The following TMEM255B variants were observed in gnomAD, a reference collection of about 807,000 sequenced individuals.
TMEM255B encodes the protein family with sequence similarity 70, member B.
A neutral mutation model predicts 34.5 loss-of-function variants in TMEM255B; 35 were observed. The observed-to-expected ratio is 1.01, with a 90% CI of 0.77 to 1.34. TMEM255B has a LOEUF of 1.34. Ranked by LOEUF, TMEM255B falls within the 40% of genes most tolerant of loss-of-function variation. The pLI is 0.00. For missense variants in TMEM255B, 432 were observed against 433.2 expected (o/e 1.00, Z 0.02); for synonymous variants, 206 against 201.2 (o/e 1.02, Z -0.20).
rs1280394208 is a variant in TMEM255B at position 113,800,757 on chromosome 13, C to T, written c.424-70C>T. 5 of 1,461,152 alleles carry T rather than the reference C, an allele frequency of 3.4e-6. No homozygotes were observed. The Admixed American group carries it at 9.8e-5, about 29-fold the overall frequency. The allele number at this position is 1,461,152 out of a possible 1,614,324, so 90.5% of individuals were successfully genotyped here. The stretch of plus-strand genomic sequence containing the variant: ...GCCGCTCCCAGCTCCCATGAGGCAG[C>T]CCTGCCCTTGGTGGGGTGGGTGAGG... On this transcript the variant is annotated intron_variant, in intron 5 of 8. Transcript: ENST00000375353.
At chr13:113,781,085 A>G (rs2050659784) in intron 3 of TMEM255B, among the ~76,000 whole-genome samples, 1 of 152,210 alleles carries the variant, frequency 6.6e-6, no homozygotes, top group Non-Finnish European at 1.5e-5. Context: ...TGTACTATTA[A>G]TGTTAAACCC....
At chr13:113,779,623 CTGTT>C (rs549888575) in intron 3 of TMEM255B, among the ~76,000 whole-genome samples, 14 of 151,716 alleles carry the variant, frequency 9.2e-5, no homozygotes, top group African/African-American at 3.1e-4. Flanking sequence ...GAAGCGCTCT[CTGTT>C]TGGGGGCGTA....
intron 3 of TMEM255B, among the ~76,000 whole-genome samples, chr13:113,781,598 G>A (rs1211309621): frequency 1.3e-5 from 2 of 152,170 alleles, no homozygotes; most frequent in Non-Finnish European, 1.5e-5. Context: ...TGAAGCCTGG[G>A]ACTTAGACAG....
rs2050601307 is a variant in TMEM255B at position 113,777,656 on chromosome 13, G to A, written c.252+8496G>A. Among the ~76,000 whole-genome samples the A allele has an allele frequency of 3.3e-5, 5 of 152,380 alleles. No individual in the cohort carries two copies. In the South Asian group the frequency reaches 1.0e-3, roughly 32 times the overall value. Reference sequence around the variant, plus strand: ...CCGGGTCCACCAGGCTTTGCTCAAAGGAGGATGGTCTTGGGAAGGGAATCC... The same window carrying A: ...CCGGGTCCACCAGGCTTTGCTCAAAAGAGGATGGTCTTGGGAAGGGAATCC... On this transcript the variant is annotated intron_variant, in intron 3 of 8. Transcript: ENST00000375353.
chr13:113,777,571 A>G (rs1220726834), intron 3 of TMEM255B, among the ~76,000 whole-genome samples: 1 of 152,230 alleles, frequency 6.6e-6, no homozygotes, highest in African/African-American at 2.4e-5. Context: ...GACTCAGCCC[A>G]GAAGGCAGGG....
intron 3 of TMEM255B, among the ~76,000 whole-genome samples, chr13:113,793,589 G>A (rs9577897): frequency 0.41 from 62,402 of 151,682 alleles, 14,069 homozygotes; most frequent in East Asian, 0.72. Flanking sequence ...TCTCCGGCCC[G>A]CTGCCCCAGC....
intron 1 of TMEM255B, among the ~76,000 whole-genome samples, chr13:113,764,926 C>A (rs148717728): frequency 5.9e-5 from 9 of 152,174 alleles, no homozygotes; most frequent in African/African-American, 2.2e-4. Flanking sequence ...CCACTGCCTG[C>A]GGCCTGGAGT....
intron 1 of TMEM255B, among the ~76,000 whole-genome samples, chr13:113,761,565 T>C (rs369793813): frequency 3.6e-4 from 55 of 152,284 alleles, no homozygotes; most frequent in African/African-American, 1.3e-3. Context: ...TGTTGGCCCC[T>C]TCAGCTTCAC....
intron 2 of TMEM255B, chr13:113,768,089 A>T (rs1441142974): frequency 2.3e-6 from 1 of 428,870 alleles, no homozygotes; most frequent in Non-Finnish European, 5.0e-6. Flanking sequence ...CCAGTGCATT[A>T]AACTTGACAC....
intron 2 of TMEM255B, chr13:113,766,530 C>T: frequency 1.9e-6 from 1 of 529,448 alleles, no homozygotes. Context: ...CTGGGTTGGC[C>T]CGATGTGGTC....
At chr13:113,782,677 G>T (rs562456162) in intron 3 of TMEM255B, among the ~76,000 whole-genome samples, 31 of 150,228 alleles carry the variant, frequency 2.1e-4, no homozygotes, top group African/African-American at 5.0e-4. Context: ...ATGGTCGGAG[G>T]GGGGGGCTTC....
chr13:113,812,167 CTCTGAGAGCAAT>C lies in TMEM255B; in HGVS notation c.*266_*277del, dbSNP rs369733280. ...CTGAAAGTTCCCACCCGGCCTCCTC[CTCTGAGAGCAAT>C]TGTTCTGGTGTTTTCACATCCCTTA... On this transcript the variant is annotated 3_prime_UTR_variant, in exon 9 of 9. Coordinates refer to ENST00000375353, the MANE Select transcript of TMEM255B (RefSeq NM_182614.4). The C allele has an allele frequency of 6.9e-4, 362 of 520,912 alleles. 1 individual carries two copies. Among genetic ancestry groups the C allele is most frequent in the African/African-American group, 6.7e-3 (340 of 50,414 alleles). The allele number at this position is 520,912 out of a possible 1,614,324, so 32.3% of individuals were successfully genotyped here.
intron 1 of TMEM255B, 129 bp downstream of exon 1, chr13:113,759,444 C>A: frequency 1.2e-6 from 1 of 831,854 alleles, no homozygotes; most frequent in Non-Finnish European, 1.6e-6. Flanking sequence ...TCTGGTCCCT[C>A]CGCCTCCTTC....
chr13:113,791,007 T>A (rs2050824763), intron 3 of TMEM255B, among the ~76,000 whole-genome samples: 1 of 152,234 alleles, frequency 6.6e-6, no homozygotes, highest in African/African-American at 2.4e-5. Context: ...TGACCAAGTT[T>A]GAATGTGTTT....
intron 1 of TMEM255B, among the ~76,000 whole-genome samples, chr13:113,764,807 A>T (rs998419891): frequency 3.3e-5 from 5 of 152,150 alleles, no homozygotes; most frequent in African/African-American, 1.2e-4. Flanking sequence ...GCCTTCAGGG[A>T]GTGCTGCGAG....
At position 113,815,125 on chromosome 13, in the gene TMEM255B, G is replaced by A. The variant is rs922953184; in HGVS notation, c.*3222G>A. On this transcript the variant is annotated 3_prime_UTR_variant, in exon 9 of 9. Transcript: ENST00000375353. ...CTTGGGTTACAGGGAGTCTCCTCCT[G>A]CCTCAGTTTCTACATTTCACACAGC... 2 of 152,204 alleles carry A rather than the reference G, an allele frequency of 1.3e-5. No homozygotes were observed. The highest frequency in any genetic ancestry group is 1.3e-4 in the Admixed American group (2 of 15,264). The allele number at this position is 152,204 out of a possible 1,614,324, so 9.4% of individuals were successfully genotyped here.
chr13:113,763,435 C>T (rs1053116674), intron 1 of TMEM255B, among the ~76,000 whole-genome samples: 17 of 152,156 alleles, frequency 1.1e-4, no homozygotes, highest in Non-Finnish European at 2.1e-4. Context: ...CGTTTCTCAC[C>T]TCGACTTCCC....
intron 5 of TMEM255B, chr13:113,799,646 C>T: frequency 1.6e-6 from 1 of 636,010 alleles, no homozygotes; most frequent in African/African-American, 1.8e-5. Flanking sequence ...TTCATTAAAT[C>T]ACAACAGTCT....
intron 4 of TMEM255B, among the ~76,000 whole-genome samples, chr13:113,796,508 G>A (rs61966706): frequency 0.49 from 70,088 of 144,322 alleles, 17,472 homozygotes; most frequent in East Asian, 0.84. Context: ...ACACCACACA[G>A]AGCACACAGC....
Sources: gnomAD v4.1 joint callset for allele counts (sites outside exome capture counted in the v4.1 genomes callset) on GRCh38, gnomAD v4.1.1 for gene constraint, MANE v1.5 for transcripts, NCBI Gene and HGNC (gene_info 2026-07-23, HGNC 2026-07-21) for gene names.